INPP5D: variants seen among roughly 807,000 people sequenced by gnomAD.
INPP5D encodes inositol polyphosphate-5-phosphatase D, also known as phosphatidylinositol 3,4,5-trisphosphate 5-phosphatase 1.
A neutral mutation model predicts 122.9 loss-of-function variants in INPP5D; 33 were observed. The observed-to-expected ratio is 0.27, with a 90% CI of 0.20 to 0.36. The LOEUF (loss-of-function observed/expected upper bound fraction) is 0.36. INPP5D is among the 10% of genes least tolerant of loss of function. INPP5D has a pLI of 1.00. For missense variants in INPP5D, 1,053 were observed against 1,412.7 expected, an observed-to-expected ratio of 0.75 and a Z score of 4.08; for synonymous variants, 584 against 576.2, an observed-to-expected ratio of 1.01 and a Z score of -0.19.
chr2:233,110,809 C>T (rs1055718372), intron 2 of INPP5D, among the ~76,000 whole-genome samples: 11 of 151,906 alleles, frequency 7.2e-5, no homozygotes, highest in Non-Finnish European at 1.2e-4. Flanking sequence ...CCTGTAGTCC[C>T]GGCTACTTGG....
chr2:233,097,066 C>T (rs4973069), intron 2 of INPP5D, among the ~76,000 whole-genome samples: 1 of 152,020 alleles, frequency 6.6e-6, no homozygotes, highest in Non-Finnish European at 1.5e-5. Flanking sequence ...ATAACTTCAC[C>T]GTCCAAATGG....
At position 233,170,600 on chromosome 2, in the gene INPP5D, C is replaced by G; in HGVS notation, c.1896C>G (p.His632Gln). The change falls in exon 16 of 27, where the codon CAC (histidine) becomes CAG (glutamine). Residue 632 changes from histidine (H) to glutamine (Q), a missense_variant. Around this residue, in one of 6 missense-constraint regions of INPP5D, gnomAD observed 258 missense variants for 439.1 expected, o/e 0.59. Coordinates refer to ENST00000445964, the MANE Select transcript of INPP5D (RefSeq NM_001017915.3). This position sits in a 1 kb window ranked among gnomAD's most constrained non-coding sequence, Gnocchi z 4.5. Reference sequence around the variant, plus strand: ...GGAGGGAGCAGAAGGTCTTCCTACACTTCGGTAAGAGCAGCAACCCCGGCT... The same window carrying G: ...GGAGGGAGCAGAAGGTCTTCCTACAGTTCGGTAAGAGCAGCAACCCCGGCT... ...TERREQKVFL[H>Q]FEEEEITFAP... 2 of 1,612,946 alleles carry G rather than the reference C, an allele frequency of 1.2e-6. No homozygotes were observed. The highest frequency in any genetic ancestry group is 1.7e-6 in the Non-Finnish European group (2 of 1,179,508).
intron 2 of INPP5D, among the ~76,000 whole-genome samples, chr2:233,109,816 G>T (rs1276511755): frequency 1.3e-5 from 2 of 150,074 alleles, no homozygotes; most frequent in African/African-American, 4.9e-5. Context: ...TCGAACTCCT[G>T]ACCTCATGAA....
chr2:233,108,826 C>T (rs138661810), intron 2 of INPP5D, among the ~76,000 whole-genome samples: 7 of 152,324 alleles, frequency 4.6e-5, no homozygotes, highest in African/African-American at 7.2e-5. Flanking sequence ...ACCCCGGTAC[C>T]GCAAGAACAC....
At chr2:233,158,891 A>G (rs1694127537) in intron 10 of INPP5D, among the ~76,000 whole-genome samples, 1 of 152,078 alleles carries the variant, frequency 6.6e-6, no homozygotes, top group Non-Finnish European at 1.5e-5. Context: ...GGATCCCCCC[A>G]CCCACCTCAG....
intron 22 of INPP5D, among the ~76,000 whole-genome samples, chr2:233,190,219 G>A (rs982126729): frequency 7.2e-5 from 11 of 152,192 alleles, no homozygotes; most frequent in African/African-American, 2.4e-4. Context: ...ATATAACCTT[G>A]ACAAGACCTT....
chr2:233,200,621 A>C (rs1695306636), intron 25 of INPP5D, among the ~76,000 whole-genome samples: 2 of 152,178 alleles, frequency 1.3e-5, no homozygotes, highest in South Asian at 4.1e-4. Flanking sequence ...TGGATGGAGA[A>C]GCTGTTGACA....
At chr2:233,168,622 T>C (rs151175061) in intron 13 of INPP5D, among the ~76,000 whole-genome samples, 1 of 152,380 alleles carries the variant, frequency 6.6e-6, no homozygotes, top group African/African-American at 2.4e-5. Context: ...CGTATTTTCA[T>C]GAATGACAAA....
At chr2:233,124,869 C>T (rs1693107350) in intron 3 of INPP5D, among the ~76,000 whole-genome samples, 1 of 152,264 alleles carries the variant, frequency 6.6e-6, no homozygotes, top group South Asian at 2.1e-4. Context: ...GACATGAGGC[C>T]CGCGCAGTCC....
intron 9 of INPP5D, among the ~76,000 whole-genome samples, chr2:233,150,119 T>G (rs1460279178): frequency 3.3e-5 from 5 of 152,114 alleles, no homozygotes; most frequent in Non-Finnish European, 7.4e-5. Flanking sequence ...GAGTGATGGT[T>G]TCCTCTTATC....
In INPP5D at chr2:233,204,202, G is replaced by A; in HGVS notation, c.3052G>A (p.Glu1018Lys). The change falls in exon 26 of 27, where the codon GAG (glutamate) becomes AAG (lysine). Residue 1018 changes from glutamate (E) to lysine (K), a missense_variant. Physicochemically the swap from Glu to Lys is moderately conservative, Grantham distance 56 (BLOSUM62 1). This residue lies in a region of INPP5D where 417 missense variants were observed against 425.8 expected (regional missense o/e 0.98). Coordinates refer to ENST00000445964, the MANE Select transcript of INPP5D (RefSeq NM_001017915.3). Reference sequence around the variant, plus strand: ...GCCGCTGACGAAGCCCGAGATGTTTGAGAACCCCCTGTATGGGTCCCTGAG... The same window carrying A: ...GCCGCTGACGAAGCCCGAGATGTTTAAGAACCCCCTGTATGGGTCCCTGAG... ...DLPLTKPEMF[E>K]NPLYGSLSSF... The A allele has an allele frequency of 6.2e-7, 1 of 1,612,800 alleles. No homozygotes were observed.
At chr2:233,071,562 G>A (rs991291493) in intron 1 of INPP5D, among the ~76,000 whole-genome samples, 1 of 152,012 alleles carries the variant, frequency 6.6e-6, no homozygotes, top group African/African-American at 2.4e-5. Context: ...TAATAATATT[G>A]CCAAGTTGGA....
Position 233,122,242 on chromosome 2 carries a change from C to G in INPP5D, c.334C>G (p.Pro112Ala). ...PLEEEDTGDDPEEDTVESVVS... is the reference protein window; with the variant it reads ...PLEEEDTGDDAEEDTVESVVS... ...GGAGGAAGAGGACACAGGCGACGACCCTGAGGAGGACACAGGTAGGGAGGG... is the reference window on the plus strand; with the variant it reads ...GGAGGAAGAGGACACAGGCGACGACGCTGAGGAGGACACAGGTAGGGAGGG... The change falls in exon 3 of 27, where the codon CCT becomes GCT. Residue 112 changes from proline (P) to alanine (A), a missense_variant. By Grantham distance (27) the Pro-to-Ala change is conservative (BLOSUM62 -1). Around this residue, in one of 6 missense-constraint regions of INPP5D, gnomAD observed 196 missense variants for 175.6 expected, o/e 1.12. Coordinates refer to ENST00000445964, the MANE Select transcript of INPP5D (RefSeq NM_001017915.3). 6.2e-7 allele frequency: 1 copy of G among 1,613,640 alleles called. No homozygotes were observed. Among genetic ancestry groups the G allele is most frequent in the South Asian group, 1.1e-5 (1 of 91,072 alleles).
At chr2:233,114,606 G>A (rs910703282) in intron 2 of INPP5D, among the ~76,000 whole-genome samples, 2 of 152,182 alleles carry the variant, frequency 1.3e-5, no homozygotes, top group African/African-American at 2.4e-5. Context: ...GCCTTGGGAC[G>A]TGTGGATGCC....
chr2:233,177,059 T>C lies in INPP5D; in HGVS notation c.1990-206T>C, dbSNP rs1392479531. Among the ~76,000 whole-genome samples, 1 of 152,072 alleles carries C rather than the reference T, an allele frequency of 6.6e-6. No individual in the cohort carries two copies. Among genetic ancestry groups the C allele is most frequent in the Non-Finnish European group, 1.5e-5 (1 of 67,988 alleles). On this transcript the variant is annotated intron_variant, in intron 17 of 26. Coordinates refer to ENST00000445964, the MANE Select transcript of INPP5D (RefSeq NM_001017915.3). The surrounding 1 kb of genome is among the most constrained non-coding windows in gnomAD (Gnocchi z 4.2). Reference sequence around the variant, plus strand: ...TGAGGGAATACAGCAAGGTGAGTTATCTTAGTCTAAAGAAGAAGGCGTGGC... The same window carrying C: ...TGAGGGAATACAGCAAGGTGAGTTACCTTAGTCTAAAGAAGAAGGCGTGGC...
At chr2:233,196,155 C>G (rs1695177974) in intron 24 of INPP5D, among the ~76,000 whole-genome samples, 1 of 152,110 alleles carries the variant, frequency 6.6e-6, no homozygotes, top group Non-Finnish European at 1.5e-5. Context: ...TAGCATGGCT[C>G]TGCAAACCCA....
At chr2:233,085,425 G>A (rs534710239) in intron 2 of INPP5D, among the ~76,000 whole-genome samples, 2 of 151,682 alleles carry the variant, frequency 1.3e-5, no homozygotes, top group East Asian at 1.9e-4. Flanking sequence ...GAATAGTTCC[G>A]AGTACAAAAT....
chr2:233,131,204 A>T (rs1463392443), intron 5 of INPP5D: 1 of 795,446 alleles, frequency 1.3e-6, no homozygotes, highest in African/African-American at 1.9e-5. Context: ...TTGGTTTTAC[A>T]TTTTAAAATT....
In INPP5D at chr2:233,200,809, A is replaced by C. The variant is rs1695310598; in HGVS notation, c.2975+2433A>C. Among the ~76,000 whole-genome samples the C allele has an allele frequency of 2.0e-5, 3 of 152,014 alleles. No individual in the cohort carries two copies. The South Asian group carries it at 6.2e-4, about 32-fold the overall frequency. ...CCCCATCTCTACTAAAAATACAAAA[A>C]TCAGCCAGGCGTAGTGGCCCACACC... On this transcript the variant is annotated intron_variant, in intron 25 of 26. Coordinates refer to ENST00000445964, the MANE Select transcript of INPP5D (RefSeq NM_001017915.3).
Sources: allele counts gnomAD v4.1 joint callset (sites outside exome capture counted in the v4.1 genomes callset), GRCh38; gene constraint gnomAD v4.1.1; regional missense constraint gnomAD v4.1.1; non-coding constraint Gnocchi (gnomAD v3.1); transcripts MANE v1.5; gene names NCBI Gene and HGNC (gene_info 2026-07-23, HGNC 2026-07-21).